The following RAPGEF4 variants were observed in gnomAD, a reference collection of about 807,000 sequenced individuals.
RAPGEF4 encodes RAP guanine-nucleotide-exchange factor (GEF) 4.
A neutral mutation model predicts 147.9 loss-of-function variants in RAPGEF4; 66 were observed. The ratio of observed to expected loss-of-function variants is 0.45; its 90% CI spans 0.37 to 0.55. The LOEUF is 0.55. RAPGEF4 is among the 20% of genes least tolerant of loss of function. The pLI is 0.00. For synonymous variants in RAPGEF4, 419 were observed against 442.7 expected, an observed-to-expected ratio of 0.95 and a Z score of 0.67; for missense variants, 1,071 against 1,257.3, an observed-to-expected ratio of 0.85 and a Z score of 2.24.
At chr2:172,954,467 G>C (rs191828983) in intron 6 of RAPGEF4, among the ~76,000 whole-genome samples, 13 of 152,236 alleles carry the variant, frequency 8.5e-5, no homozygotes, top group Non-Finnish European at 1.8e-4. Context: ...TTTGAACTTA[G>C]GGGAAAAGAC....
chr2:172,810,525 A>G (rs986021525), intron 3 of RAPGEF4, among the ~76,000 whole-genome samples: 4 of 152,316 alleles, frequency 2.6e-5, no homozygotes, highest in African/African-American at 9.6e-5. Context: ...GAAGGAGGAG[A>G]AGGAGTGATC....
chr2:172,900,724 A>T (rs776833482), intron 4 of RAPGEF4, among the ~76,000 whole-genome samples: 20 of 152,154 alleles, frequency 1.3e-4, no homozygotes, highest in Non-Finnish European at 2.8e-4. Context: ...GCCCCCAAAT[A>T]CTTGAGCACA....
chr2:172,931,094 G>T (rs1575282026), intron 6 of RAPGEF4, among the ~76,000 whole-genome samples: 1 of 146,954 alleles, frequency 6.8e-6, no homozygotes, highest in Non-Finnish European at 1.5e-5. Flanking sequence ...ATTTCCAGGA[G>T]CTTCAGTTTC....
At chr2:172,861,607 G>T (rs898312907) in intron 4 of RAPGEF4, among the ~76,000 whole-genome samples, 1 of 152,166 alleles carries the variant, frequency 6.6e-6, no homozygotes. Flanking sequence ...AAACTGCAGG[G>T]TTCTATACAC....
intron 1 of RAPGEF4, among the ~76,000 whole-genome samples, chr2:172,769,428 C>A (rs1378310207): frequency 1.3e-5 from 2 of 152,106 alleles, no homozygotes; most frequent in Non-Finnish European, 2.9e-5. Context: ...CAAAGTCTGT[C>A]TGAGCTCTGG....
At chr2:172,907,909 C>T (rs1162114153) in intron 4 of RAPGEF4, among the ~76,000 whole-genome samples, 2 of 152,194 alleles carry the variant, frequency 1.3e-5, no homozygotes, top group African/African-American at 2.4e-5. Context: ...CTCATCCTCA[C>T]AATGGTCCTG....
intron 6 of RAPGEF4, among the ~76,000 whole-genome samples, chr2:172,948,776 G>A (rs988471914): frequency 1.3e-5 from 2 of 152,004 alleles, no homozygotes; most frequent in Non-Finnish European, 1.5e-5. Context: ...CCCACAGAGA[G>A]GCACAACACA....
intron 4 of RAPGEF4, among the ~76,000 whole-genome samples, chr2:172,828,412 C>G (rs983867746): frequency 2.0e-5 from 3 of 152,208 alleles, no homozygotes; most frequent in Non-Finnish European, 4.4e-5. Context: ...ACAATCTTCT[C>G]TCATCCTCAG....
intron 6 of RAPGEF4, among the ~76,000 whole-genome samples, chr2:172,951,851 A>T (rs1266914601): frequency 6.6e-6 from 1 of 152,130 alleles, no homozygotes; most frequent in Non-Finnish European, 1.5e-5. Context: ...TTTTTATAGG[A>T]TCATGCGGCT....
At chr2:172,794,995 A>G (rs1243417833) in intron 1 of RAPGEF4, 30 bp from the exon 2 acceptor site, 36 of 1,583,154 alleles carry the variant, frequency 2.3e-5, no homozygotes, top group Non-Finnish European at 2.8e-5. Context: ...CTTTACTGAC[A>G]TAGCTTTTGT....
At chr2:172,933,155 G>A (rs1686164205) in intron 6 of RAPGEF4, among the ~76,000 whole-genome samples, 1 of 152,162 alleles carries the variant, frequency 6.6e-6, no homozygotes, top group African/African-American at 2.4e-5. Flanking sequence ...GCTGGGGATG[G>A]AAGTAGTTTT....
Position 173,036,178 on chromosome 2 carries a change from T to G in RAPGEF4, c.2754T>G (p.Pro918=), listed in dbSNP as rs777251730. 4 of 1,612,868 alleles carry G rather than the reference T, an allele frequency of 2.5e-6. No individual in the cohort carries two copies. The highest frequency in any genetic ancestry group is 2.2e-5 in the South Asian group (2 of 91,038). The change falls in exon 28 of 31, where the codon CCT becomes CCG. Residue 918 remains proline (P), a synonymous_variant. Transcript: ENST00000397081. ...GGCTGACAGTAGCTAAGCTGGAACC[T>G]CCTCTCATCCCCTTCATGCCTTTGC... The part of the protein sequence containing the change: ...AYRLTVAKLE[P]PLIPFMPLLI...
intron 4 of RAPGEF4, among the ~76,000 whole-genome samples, chr2:172,881,939 C>T (rs1696680594): frequency 6.6e-6 from 1 of 152,102 alleles, no homozygotes; most frequent in Admixed American, 6.6e-5. Context: ...TTAAAAATGC[C>T]ACCCTATGGG....
chr2:172,925,873 G>C (rs1685270790), intron 6 of RAPGEF4, among the ~76,000 whole-genome samples: 1 of 141,286 alleles, frequency 7.1e-6, no homozygotes, highest in African/African-American at 2.6e-5. Flanking sequence ...AGAGAGAGAA[G>C]GAGAAAGAAA....
chr2:173,015,892 G>A (rs1400653944), intron 18 of RAPGEF4, among the ~76,000 whole-genome samples: 3 of 151,956 alleles, frequency 2.0e-5, no homozygotes, highest in Non-Finnish European at 4.4e-5. Flanking sequence ...ATGTGAAAAC[G>A]AACATTAAAA....
At chr2:172,887,074 C>T (rs1019645945) in intron 4 of RAPGEF4, among the ~76,000 whole-genome samples, 2 of 151,804 alleles carry the variant, frequency 1.3e-5, no homozygotes, top group Non-Finnish European at 2.9e-5. Context: ...GTAATCCCAG[C>T]TACTTGGGAT....
At chr2:172,954,529 AT>A (rs2105412269) in intron 6 of RAPGEF4, among the ~76,000 whole-genome samples, 1 of 152,102 alleles carries the variant, frequency 6.6e-6, no homozygotes, top group East Asian at 1.9e-4. Flanking sequence ...TCTCTAGATG[AT>A]TTTTCCATTA....
At chr2:172,946,108 A>G (rs1043178769) in intron 6 of RAPGEF4, among the ~76,000 whole-genome samples, 1 of 152,224 alleles carries the variant, frequency 6.6e-6, no homozygotes, top group Non-Finnish European at 1.5e-5. Flanking sequence ...ATTATGCTGT[A>G]TACATTTAAA....
At chr2:172,750,639 A>G (rs898592260) in intron 1 of RAPGEF4, among the ~76,000 whole-genome samples, 5 of 152,196 alleles carry the variant, frequency 3.3e-5, no homozygotes, top group African/African-American at 7.2e-5. Context: ...CATGTCCTCA[A>G]TGACACTTGT....
Sources: allele counts gnomAD v4.1 joint callset (sites outside exome capture counted in the v4.1 genomes callset), GRCh38; gene constraint gnomAD v4.1.1; transcripts MANE v1.5; gene names NCBI Gene and HGNC (gene_info 2026-07-23, HGNC 2026-07-21).